The following RAP1GAP2 variants were observed in gnomAD, a reference collection of about 807,000 sequenced individuals.
RAP1GAP2 encodes RAP1 GTPase activating protein 2, also known as rap1 GTPase-activating protein 2.
In RAP1GAP2, 27 loss-of-function variants were observed where a neutral mutation model predicts 95.0. The ratio of observed to expected loss-of-function variants is 0.28; its 90% CI spans 0.21 to 0.39. The LOEUF (loss-of-function observed/expected upper bound fraction) is 0.39. Among genes scored for constraint, RAP1GAP2 ranks in the 10% least tolerant of loss-of-function variants. RAP1GAP2 has a pLI of 1.00. For synonymous variants in RAP1GAP2, 373 were observed against 380.9 expected, an observed-to-expected ratio of 0.98 and a Z score of 0.24; for missense variants, 771 against 970.0, an observed-to-expected ratio of 0.79 and a Z score of 2.72.
At chr17:2,977,278 T>C (rs1050572658) in intron 8 of RAP1GAP2, among the ~76,000 whole-genome samples, 2 of 152,132 alleles carry the variant, frequency 1.3e-5, no homozygotes, top group Non-Finnish European at 2.9e-5. Flanking sequence ...TATAAACATA[T>C]AAATTTCCAA....
intron 2 of RAP1GAP2, among the ~76,000 whole-genome samples, chr17:2,893,194 C>T (rs1002240495): frequency 2.6e-5 from 4 of 151,930 alleles, no homozygotes; most frequent in Admixed American, 6.6e-5. Flanking sequence ...GCTACTAGCC[C>T]GGCTAGTTTT....
intron 8 of RAP1GAP2, among the ~76,000 whole-genome samples, chr17:2,973,930 G>C (rs1324449735): frequency 1.3e-5 from 2 of 152,160 alleles, no homozygotes; most frequent in African/African-American, 2.4e-5. Context: ...TTTAAAAGCT[G>C]TCTGAGGATA....
At chr17:2,853,506 G>A (rs1042572334) in intron 2 of RAP1GAP2, among the ~76,000 whole-genome samples, 5 of 150,312 alleles carry the variant, frequency 3.3e-5, no homozygotes, top group Non-Finnish European at 7.4e-5. Flanking sequence ...GGACCAGAAG[G>A]AGCGGGCGAG....
intron 18 of RAP1GAP2, among the ~76,000 whole-genome samples, chr17:3,018,938 C>G (rs976117914): frequency 2.0e-5 from 3 of 152,192 alleles, no homozygotes; most frequent in Non-Finnish European, 2.9e-5. Context: ...TGGCGGGTGC[C>G]TGTAATCCCA....
intron 1 of RAP1GAP2, among the ~76,000 whole-genome samples, chr17:2,788,378 C>T (rs927241452): frequency 5.3e-5 from 8 of 152,186 alleles, no homozygotes; most frequent in Admixed American, 1.3e-4. Flanking sequence ...TCACTGCAAC[C>T]TCTACCTCCC....
Position 3,005,469 on chromosome 17 carries a change from G to T in RAP1GAP2, c.1272+29G>T. The stretch of plus-strand genomic sequence containing the variant: ...GGACACTCTTCCTTCTGCCCCTCTC[G>T]CATCCACGATGCCAGGTCTCAGTGC... On this transcript the variant is annotated intron_variant, in intron 15 of 24. Coordinates refer to ENST00000254695, the MANE Select transcript of RAP1GAP2 (RefSeq NM_015085.5). The surrounding 1 kb of genome is among the most constrained non-coding windows in gnomAD (Gnocchi z 5.2). 1 of 1,588,110 alleles carries T rather than the reference G, an allele frequency of 6.3e-7. No homozygotes were observed.
In RAP1GAP2 at chr17:2,963,020, C is replaced by A; in HGVS notation, c.246+306C>A. 1 of 527,334 alleles carries A rather than the reference C, an allele frequency of 1.9e-6. No individual in the cohort carries two copies. The highest frequency in any genetic ancestry group is 1.9e-5 in the African/African-American group (1 of 52,190). 32.7% of individuals were successfully genotyped at this position (527,334 alleles called of 1,614,324 possible). A position where few individuals can be genotyped will look rare whatever the true frequency, so the allele number is the denominator to read the frequency against. On this transcript the variant is annotated intron_variant, in intron 5 of 24. Coordinates refer to ENST00000254695, the MANE Select transcript of RAP1GAP2 (RefSeq NM_015085.5). This position sits in a 1 kb window ranked among gnomAD's most constrained non-coding sequence, Gnocchi z 4.8. ...GTGCAGTGTGTAAGGGTGTCAGGCT[C>A]TGTGCCCCGGGTTCCAGTGGGCAGT...
chr17:2,870,999 A>G lies in RAP1GAP2; in HGVS notation c.81-34285A>G, dbSNP rs536987829. ...AGACAGAGTTTCACTCTTGTCACCCAGGCTGGAGTGCAGTGGTGCGATCTT... is the reference window on the plus strand; with the variant it reads ...AGACAGAGTTTCACTCTTGTCACCCGGGCTGGAGTGCAGTGGTGCGATCTT... On this transcript the variant is annotated intron_variant, in intron 2 of 24. Coordinates refer to ENST00000254695, the MANE Select transcript of RAP1GAP2 (RefSeq NM_015085.5). This position sits in a 1 kb window ranked among gnomAD's most constrained non-coding sequence, Gnocchi z 4.4. Among the ~76,000 whole-genome samples the G allele has an allele frequency of 2.6e-5, 4 of 152,334 alleles. No individual in the cohort carries two copies. In the South Asian group the frequency reaches 8.3e-4, roughly 32 times the overall value.
chr17:2,910,911 C>A (rs1213743758), intron 3 of RAP1GAP2, among the ~76,000 whole-genome samples: 1 of 152,168 alleles, frequency 6.6e-6, no homozygotes, highest in African/African-American at 2.4e-5. Context: ...GTTGGCCAGG[C>A]TGGTCTCGAG....
Position 2,867,326 on chromosome 17 carries a change from G to A in RAP1GAP2, c.81-37958G>A, listed in dbSNP as rs1367502229. 4.6e-5 allele frequency among the ~76,000 whole-genome samples: 7 copies of A among 152,186 alleles called. No individual in the cohort carries two copies. The highest frequency in any genetic ancestry group is 2.1e-4 in the South Asian group (1 of 4,834). ...GGTAACTGGAAGGTTCAAGGGGGAC[G>A]GATTCAGGCCTGGCTGGATCGAGAG... On this transcript the variant is annotated intron_variant, in intron 2 of 24. Transcript: ENST00000254695. The surrounding 1 kb of genome is among the most constrained non-coding windows in gnomAD (Gnocchi z 4.5).
At position 2,833,689 on chromosome 17, in the gene RAP1GAP2, C is replaced by CAAAAAA. The variant is rs112909808; in HGVS notation, c.80+33156_80+33161dup. ...TGGGAGACACAGCGAGACTCCGTCT[C>CAAAAAA]AAAAAAAAAAAAAAAAAAAAAAGAA... is the stretch of plus-strand genomic sequence containing the variant. On this transcript the variant is annotated intron_variant, in intron 2 of 24. Coordinates refer to ENST00000254695, the MANE Select transcript of RAP1GAP2 (RefSeq NM_015085.5). Among the ~76,000 whole-genome samples, 202 of 53,038 alleles carry CAAAAAA rather than the reference C, an allele frequency of 3.8e-3. 2 individuals are homozygous for CAAAAAA. The highest frequency in any genetic ancestry group is 0.012 in the Middle Eastern group (1 of 86). 34.8% of individuals were successfully genotyped at this position (53,038 alleles called of 152,430 possible). A position where few individuals can be genotyped will look rare whatever the true frequency, so the allele number is the denominator to read the frequency against.
chr17:2,905,490 C>A, intron 3 of RAP1GAP2, 122 bp downstream of exon 3: 1 of 902,024 alleles, frequency 1.1e-6, no homozygotes, highest in South Asian at 1.7e-5. Flanking sequence ...AGTGTCCTGA[C>A]ACCTCGGAGG....
At position 2,827,536 on chromosome 17, in the gene RAP1GAP2, G is replaced by A. The variant is rs975176408; in HGVS notation, c.80+26986G>A. Reference sequence around the variant, plus strand: ...AGAAGGGACATTTGAGGCCTGGCGCGGTGGCTCATGCCTGTAATCCCAGCA... The same window carrying A: ...AGAAGGGACATTTGAGGCCTGGCGCAGTGGCTCATGCCTGTAATCCCAGCA... On this transcript the variant is annotated intron_variant, in intron 2 of 24. Transcript: ENST00000254695. This position sits in a 1 kb window ranked among gnomAD's most constrained non-coding sequence, Gnocchi z 4.1. 2.6e-5 allele frequency among the ~76,000 whole-genome samples: 4 copies of A among 152,220 alleles called. No individual in the cohort carries two copies. The highest frequency in any genetic ancestry group is 7.2e-5 in the African/African-American group (3 of 41,544).
At position 2,882,571 on chromosome 17, in the gene RAP1GAP2, T is replaced by C. The variant is rs1048627442; in HGVS notation, c.81-22713T>C. On this transcript the variant is annotated intron_variant, in intron 2 of 24. Transcript: ENST00000254695. Reference sequence around the variant, plus strand: ...TCCCAAAGTGCTGGGATTACAGGCATGCGCCACCACGCCTGGCTAATTTTT... The same window carrying C: ...TCCCAAAGTGCTGGGATTACAGGCACGCGCCACCACGCCTGGCTAATTTTT... Among the ~76,000 whole-genome samples the C allele has an allele frequency of 1.5e-4, 23 of 150,550 alleles. No individual in the cohort carries two copies. In the East Asian group the frequency reaches 3.5e-3, roughly 23 times the overall value.
chr17:2,891,621 G>A, intron 2 of RAP1GAP2, among the ~76,000 whole-genome samples: 1 of 151,104 alleles, frequency 6.6e-6, no homozygotes, highest in East Asian at 1.9e-4. Context: ...CCAAGAAAGG[G>A]TGCAAGGGTG....
At chr17:2,800,844 TTTCTTTCTTTC>T (rs1394274158) in intron 2 of RAP1GAP2, among the ~76,000 whole-genome samples, 4 of 38,562 alleles carry the variant, frequency 1.0e-4, no homozygotes, top group African/African-American at 3.1e-4. Flanking sequence ...TTTTTCTTTC[TTTCTTTCTTTC>T]TTTTTTTTTT....
intron 2 of RAP1GAP2, among the ~76,000 whole-genome samples, chr17:2,856,575 C>T (rs1322477159): frequency 6.6e-6 from 1 of 152,202 alleles, no homozygotes; most frequent in African/African-American, 2.4e-5. Flanking sequence ...TCAAGACCAG[C>T]CATGCATGGG....
Position 2,894,078 on chromosome 17 carries a change from C to T in RAP1GAP2, c.81-11206C>T, listed in dbSNP as rs148002075. Among the ~76,000 whole-genome samples, 1,496 of 151,964 alleles carry T rather than the reference C, an allele frequency of 9.8e-3. 23 individuals are homozygous for T. Among genetic ancestry groups the T allele is most frequent in the African/African-American group, 0.033 (1,358 of 41,428 alleles). ...ATCACCTGAGGTCAAGGGTTTGAGA[C>T]GAGCCTGGCCAACATGGCGAAACCC... On this transcript the variant is annotated intron_variant, in intron 2 of 24. Coordinates refer to ENST00000254695, the MANE Select transcript of RAP1GAP2 (RefSeq NM_015085.5).
intron 3 of RAP1GAP2, among the ~76,000 whole-genome samples, chr17:2,908,322 A>G (rs1247466780): frequency 2.0e-5 from 3 of 152,214 alleles, no homozygotes; most frequent in Non-Finnish European, 4.4e-5. Flanking sequence ...ACGCTTGGAC[A>G]TTCTGCTGAA....
Sources: gnomAD v4.1 joint callset for allele counts (sites outside exome capture counted in the v4.1 genomes callset) on GRCh38, gnomAD v4.1.1 for gene constraint, Gnocchi (gnomAD v3.1) non-coding constraint, MANE v1.5 for transcripts, NCBI Gene and HGNC (gene_info 2026-07-23, HGNC 2026-07-21) for gene names.